Variants in SIAH2 observed in about 807,000 individuals in gnomAD.
SIAH2 encodes the protein siah E3 ubiquitin protein ligase 2, also known as E3 ubiquitin-protein ligase SIAH2.
SIAH2 carries 4 observed loss-of-function variants against 20.4 expected under a neutral mutation model. The ratio of observed to expected loss-of-function variants is 0.20; its 90% CI spans 0.10 to 0.45. SIAH2 has a LOEUF of 0.45. Among genes scored for constraint, SIAH2 ranks in the 20% least tolerant of loss-of-function variants. The pLI is 0.99. For missense variants in SIAH2, 259 were observed against 440.3 expected (o/e 0.59, Z 3.69); for synonymous variants, 171 against 192.5 (o/e 0.89, Z 0.93).
intron 1 of SIAH2, among the ~76,000 whole-genome samples, chr3:150,759,428 T>C (rs186046687): frequency 6.6e-6 from 1 of 152,262 alleles, no homozygotes; most frequent in East Asian, 1.9e-4. Context: ...ATAGTGAGTA[T>C]GTATGTTGTC....
intron 1 of SIAH2, among the ~76,000 whole-genome samples, chr3:150,752,287 C>T (rs1714389397): frequency 6.6e-6 from 1 of 152,194 alleles, no homozygotes; most frequent in South Asian, 2.1e-4. Context: ...ACTGAATTCA[C>T]CAAAAGACTT....
At chr3:150,747,237 C>T (rs941734904) in intron 1 of SIAH2, among the ~76,000 whole-genome samples, 1 of 152,234 alleles carries the variant, frequency 6.6e-6, no homozygotes, top group African/African-American at 2.4e-5. Flanking sequence ...AGAAAAACAG[C>T]CCTGAAAGTG....
intron 1 of SIAH2, among the ~76,000 whole-genome samples, chr3:150,751,873 C>T (rs1439658553): frequency 2.6e-5 from 4 of 152,172 alleles, no homozygotes; most frequent in African/African-American, 9.6e-5. Flanking sequence ...ATAATTATTA[C>T]TGCAGAAATC....
In SIAH2 at chr3:150,762,748, GGCCGGGGGCGCA is replaced by G; in HGVS notation, c.90_101del (p.Pro32_Ala35del). On this transcript the variant is annotated inframe_deletion, in exon 1 of 2. Coordinates refer to ENST00000312960, the MANE Select transcript of SIAH2 (RefSeq NM_005067.7). This position sits in a 1 kb window ranked among gnomAD's most constrained non-coding sequence, Gnocchi z 6.6. Reference sequence around the variant, plus strand: ...GGCCCGCAGCCGAGATGGTGGCGGCGGCCGGGGGCGCAGCCGGGGACGGAGTGTGCTGGGGCT... The same window carrying G: ...GGCCCGCAGCCGAGATGGTGGCGGCGGCCGGGGACGGAGTGTGCTGGGGCT... 2.5e-6 allele frequency: 3 copies of G among 1,178,414 alleles called. No individual in the cohort carries two copies. The highest frequency in any genetic ancestry group is 3.2e-6 in the Non-Finnish European group (3 of 947,068). 73.0% of individuals were successfully genotyped at this position (1,178,414 alleles called of 1,614,324 possible).
chr3:150,760,972 C>T (rs560467340), intron 1 of SIAH2, among the ~76,000 whole-genome samples: 1 of 152,226 alleles, frequency 6.6e-6, no homozygotes, highest in African/African-American at 2.4e-5. Flanking sequence ...TTAAGGTTGC[C>T]TGAAACACCC....
At chr3:150,746,548 G>A (rs368099777) in intron 1 of SIAH2, among the ~76,000 whole-genome samples, 2 of 152,262 alleles carry the variant, frequency 1.3e-5, no homozygotes, top group African/African-American at 4.8e-5. Flanking sequence ...GCTGTGTACC[G>A]CAGGATGTTT....
rs753479182 is a variant in SIAH2, at chr3:150,742,393, G to A, written c.723C>T (p.Gly241=). 6.2e-7 allele frequency: 1 copy of A among 1,614,176 alleles called. No homozygotes were observed. The highest frequency in any genetic ancestry group is 1.1e-5 in the South Asian group (1 of 91,080). ...GGACGATGGCAAAAAACTGCTGGTG[G>A]CCTTCGTACTTCTCTTGTTTCTCCA... ...LVLEKQEKYE[G]HQQFFAIVLL... is the part of the protein sequence containing the mutation. Residue 241 remains glycine, a synonymous_variant, in exon 2 of 2, where the codon GGC becomes GGT. Coordinates refer to ENST00000312960, the MANE Select transcript of SIAH2 (RefSeq NM_005067.7). The surrounding 1 kb of genome is among the most constrained non-coding windows in gnomAD (Gnocchi z 4.8).
intron 1 of SIAH2, among the ~76,000 whole-genome samples, chr3:150,759,782 C>T (rs1490430298): frequency 2.0e-5 from 3 of 152,128 alleles, no homozygotes; most frequent in African/African-American, 7.2e-5. Context: ...GATAGCCTCC[C>T]TTCTTTTCAT....
At chr3:150,750,221 T>C (rs1248578522) in intron 1 of SIAH2, among the ~76,000 whole-genome samples, 1 of 152,234 alleles carries the variant, frequency 6.6e-6, no homozygotes, top group Non-Finnish European at 1.5e-5. Flanking sequence ...ATTTAAAATG[T>C]TTACCTGCCC....
chr3:150,751,785 C>G (rs982305777), intron 1 of SIAH2, among the ~76,000 whole-genome samples: 1 of 152,112 alleles, frequency 6.6e-6, no homozygotes, highest in African/African-American at 2.4e-5. Context: ...TCTCAAACTC[C>G]TAGCCTCACG....
chr3:150,743,343 G>A (rs1187254441), intron 1 of SIAH2, among the ~76,000 whole-genome samples: 1 of 152,194 alleles, frequency 6.6e-6, no homozygotes, highest in African/African-American at 2.4e-5. Flanking sequence ...TCCCTCTGGG[G>A]GGCTTTGCCC....
chr3:150,750,079 A>G (rs1190406027), intron 1 of SIAH2, among the ~76,000 whole-genome samples: 1 of 152,212 alleles, frequency 6.6e-6, no homozygotes, highest in East Asian at 1.9e-4. Flanking sequence ...TGATTAGCAG[A>G]TAATTAGGAC....
rs901959275 is a variant in SIAH2 at position 150,742,764 on chromosome 3, T to C, written c.418-66A>G. On this transcript the variant is annotated intron_variant, in intron 1 of 1. Transcript: ENST00000312960. This position sits in a 1 kb window ranked among gnomAD's most constrained non-coding sequence, Gnocchi z 4.8. ...AAACTTCTATTGCTTCAACCCTCTA[T>C]GAGTACTTAACTACTCCATTTTCCT... 9.1e-5 allele frequency: 124 copies of C among 1,357,122 alleles called. No individual in the cohort carries two copies. The African/African-American group carries it at 1.6e-3, about 17-fold the overall frequency. The allele number at this position is 1,357,122 out of a possible 1,614,324, so 84.1% of individuals were successfully genotyped here.
At chr3:150,745,985 G>A (rs1468104494) in intron 1 of SIAH2, among the ~76,000 whole-genome samples, 1 of 152,216 alleles carries the variant, frequency 6.6e-6, no homozygotes, top group Non-Finnish European at 1.5e-5. Context: ...TGATTTCAAG[G>A]TGGGACAGGG....
At position 150,756,573 on chromosome 3, in the gene SIAH2, A is replaced by C. The variant is rs1336180635; in HGVS notation, c.417+5860T>G. Among the ~76,000 whole-genome samples the C allele has an allele frequency of 2.0e-5, 3 of 152,150 alleles. No individual in the cohort carries two copies. In the East Asian group the frequency reaches 5.8e-4, roughly 29 times the overall value. On this transcript the variant is annotated intron_variant, in intron 1 of 1. Coordinates refer to ENST00000312960, the MANE Select transcript of SIAH2 (RefSeq NM_005067.7). ...TATTTTATAGGCCAGACCTGCTGTA[A>C]CTTTTGGTAAGCCTCTGTTCTGGTT...
Position 150,762,754 on chromosome 3 carries a change from G to C in SIAH2, c.96C>G (p.Pro32=). The change falls in exon 1 of 2, where the codon CCC becomes CCG. Residue 32 remains proline, a synonymous_variant. Coordinates refer to ENST00000312960, the MANE Select transcript of SIAH2 (RefSeq NM_005067.7). The surrounding 1 kb of genome is among the most constrained non-coding windows in gnomAD (Gnocchi z 6.6). ...QPQHTPSPAA[P]PAAATISAAG... ...CAGCCGAGATGGTGGCGGCGGCCGG[G>C]GGCGCAGCCGGGGACGGAGTGTGCT... 1.7e-6 allele frequency: 2 copies of C among 1,186,080 alleles called. No homozygotes were observed. The highest frequency in any genetic ancestry group is 2.1e-6 in the Non-Finnish European group (2 of 951,344). The allele number at this position is 1,186,080 out of a possible 1,614,324, so 73.5% of individuals were successfully genotyped here. A position where few individuals can be genotyped will look rare whatever the true frequency, so the allele number is the denominator to read the frequency against.
In SIAH2 at chr3:150,741,951, G is replaced by C; in HGVS notation, c.*190C>G. ...AGAACAGCATCCAAATCACCAACAG[G>C]CCAACCCCATTCATCCCAGGTTAAT... On this transcript the variant is annotated 3_prime_UTR_variant, in exon 2 of 2. Coordinates refer to ENST00000312960, the MANE Select transcript of SIAH2 (RefSeq NM_005067.7). 1.6e-6 allele frequency: 1 copy of C among 607,618 alleles called. No individual in the cohort carries two copies. The highest frequency in any genetic ancestry group is 2.9e-6 in the Non-Finnish European group (1 of 340,506). 37.6% of individuals were successfully genotyped at this position (607,618 alleles called of 1,614,324 possible). A position where few individuals can be genotyped will look rare whatever the true frequency, so the allele number is the denominator to read the frequency against.
rs538865881 is a variant in SIAH2 at position 150,760,773 on chromosome 3, C to T, written c.417+1660G>A. The stretch of plus-strand genomic sequence containing the variant: ...CCCAGAAATCCTATGGGGCATCCCC[C>T]ACCCCTGCAATATATCTCAAGCATC... On this transcript the variant is annotated intron_variant, in intron 1 of 1. Transcript: ENST00000312960. Among the ~76,000 whole-genome samples, 30 of 152,352 alleles carry T rather than the reference C, an allele frequency of 2.0e-4. No individual in the cohort carries two copies. The South Asian group carries it at 2.1e-3, about 11-fold the overall frequency.
At chr3:150,746,122 C>T (rs778229019) in intron 1 of SIAH2, among the ~76,000 whole-genome samples, 2 of 151,950 alleles carry the variant, frequency 1.3e-5, no homozygotes, top group Non-Finnish European at 2.9e-5. Flanking sequence ...AGGCCAGGCG[C>T]GCTGCTCACA....
Sources: gnomAD v4.1 joint callset for allele counts (sites outside exome capture counted in the v4.1 genomes callset) on GRCh38, gnomAD v4.1.1 for gene constraint, Gnocchi (gnomAD v3.1) non-coding constraint, MANE v1.5 for transcripts, NCBI Gene and HGNC (gene_info 2026-07-23, HGNC 2026-07-21) for gene names.